The following SEZ6L variants were observed in gnomAD, a reference collection of about 807,000 sequenced individuals.
SEZ6L encodes seizure 6-like protein.
SEZ6L carries 37 observed loss-of-function variants against 106.2 expected under a neutral mutation model. That is an observed-to-expected ratio of 0.35 (90% confidence interval 0.27 to 0.46). The LOEUF (loss-of-function observed/expected upper bound fraction) is 0.46, where lower values mean the gene tolerates loss of function less well. Among genes scored for constraint, SEZ6L ranks in the 20% least tolerant of loss-of-function variants. SEZ6L has a pLI of 1.00. For synonymous variants in SEZ6L, 541 were observed against 570.4 expected (o/e 0.95, Z 0.73); for missense variants, 1,172 against 1,332.8 (o/e 0.88, Z 1.88).
At chr22:26,174,489 G>A (rs1158857709) in intron 1 of SEZ6L, among the ~76,000 whole-genome samples, 2 of 152,322 alleles carry the variant, frequency 1.3e-5, no homozygotes, top group African/African-American at 2.4e-5. Flanking sequence ...CTGGGTAGAC[G>A]AGAGCTGGAA....
At chr22:26,217,983 T>C (rs2078346912) in intron 1 of SEZ6L, among the ~76,000 whole-genome samples, 1 of 152,232 alleles carries the variant, frequency 6.6e-6, no homozygotes, top group Non-Finnish European at 1.5e-5. Context: ...GACCCTTCTC[T>C]GTCCTGTCAA....
At chr22:26,337,312 C>T (rs1267671934) in intron 9 of SEZ6L, among the ~76,000 whole-genome samples, 1 of 152,138 alleles carries the variant, frequency 6.6e-6, no homozygotes, top group Non-Finnish European at 1.5e-5. Flanking sequence ...CTATTTTCAC[C>T]CTTGAAGATG....
chr22:26,344,872 T>C (rs1294786211), intron 10 of SEZ6L, among the ~76,000 whole-genome samples: 1 of 152,238 alleles, frequency 6.6e-6, no homozygotes, highest in Non-Finnish European at 1.5e-5. Context: ...CTTAGAGCAG[T>C]TAATTGGCAT....
intron 1 of SEZ6L, among the ~76,000 whole-genome samples, chr22:26,255,870 G>A (rs1386152366): frequency 1.3e-5 from 2 of 152,182 alleles, no homozygotes; most frequent in Admixed American, 1.3e-4. Flanking sequence ...AGCCATGTAG[G>A]GCAGACAAGC....
chr22:26,298,894 C>T, intron 4 of SEZ6L, 90 bp from the exon 5 acceptor site: 2 of 1,315,778 alleles, frequency 1.5e-6, no homozygotes, highest in African/African-American at 1.5e-5. Context: ...ATCTTCTCTC[C>T]CCAGCACAAA....
At chr22:26,323,074 G>A (rs75801060) in intron 9 of SEZ6L, among the ~76,000 whole-genome samples, 2,158 of 152,340 alleles carry the variant, frequency 0.014, 28 homozygotes, top group Admixed American at 0.037. Context: ...CACACAGCAA[G>A]AGAGGACCAG....
chr22:26,372,354 C>T (rs1353645751), intron 13 of SEZ6L, among the ~76,000 whole-genome samples: 2 of 152,234 alleles, frequency 1.3e-5, no homozygotes, highest in African/African-American at 4.8e-5. Context: ...TTCACGCACT[C>T]TCACTCAACC....
rs137185 is a variant in SEZ6L, at chr22:26,275,801, G to A, written c.95-16605G>A. On this transcript the variant is annotated intron_variant, in intron 1 of 16. Coordinates refer to ENST00000248933, the MANE Select transcript of SEZ6L (RefSeq NM_021115.5). Reference sequence around the variant, plus strand: ...GGCTGTCAGCTACCTTTGGGGCCACGAAGTGTCCTCCTTCATCCCCAGGAC... The same window carrying A: ...GGCTGTCAGCTACCTTTGGGGCCACAAAGTGTCCTCCTTCATCCCCAGGAC... 2.6e-5 allele frequency among the ~76,000 whole-genome samples: 4 copies of A among 151,976 alleles called. 1 individual carries two copies. The South Asian group carries it at 8.3e-4, about 32-fold the overall frequency.
At chr22:26,274,876 T>C (rs990020695) in intron 1 of SEZ6L, among the ~76,000 whole-genome samples, 3 of 152,196 alleles carry the variant, frequency 2.0e-5, no homozygotes, top group African/African-American at 7.2e-5. Context: ...ACAGGCATGA[T>C]TGACCACTCA....
chr22:26,377,849 A>G, intron 16 of SEZ6L, 74 bp downstream of exon 16: 2 of 1,150,584 alleles, frequency 1.7e-6, no homozygotes, highest in Non-Finnish European at 2.6e-6. Flanking sequence ...AAGACAAAAC[A>G]TTTCATTTCC....
At chr22:26,283,940 A>G (rs2080852381) in intron 1 of SEZ6L, among the ~76,000 whole-genome samples, 1 of 152,206 alleles carries the variant, frequency 6.6e-6, no homozygotes, top group African/African-American at 2.4e-5. Context: ...AATATTTCAA[A>G]ATGTGTTACT....
intron 13 of SEZ6L, 54 bp downstream of exon 13, chr22:26,365,620 C>T (rs1211858419): frequency 6.6e-7 from 1 of 1,521,114 alleles, no homozygotes; most frequent in Non-Finnish European, 9.0e-7. Context: ...ATGTCAGGCT[C>T]CTGGCTCACA....
At chr22:26,303,649 C>T (rs143545512) in intron 5 of SEZ6L, among the ~76,000 whole-genome samples, 2 of 152,280 alleles carry the variant, frequency 1.3e-5, no homozygotes, top group Admixed American at 6.5e-5. Flanking sequence ...CAAAATTAAT[C>T]GTGGTTATTC....
chr22:26,300,409 G>GT (rs1185989766), intron 5 of SEZ6L, among the ~76,000 whole-genome samples: 2 of 152,086 alleles, frequency 1.3e-5, no homozygotes, highest in Admixed American at 1.3e-4. Flanking sequence ...GCGGTGTTTG[G>GT]TTTTTTGTCC....
intron 1 of SEZ6L, among the ~76,000 whole-genome samples, chr22:26,261,473 A>G (rs2080003761): frequency 6.6e-6 from 1 of 152,140 alleles, no homozygotes; most frequent in South Asian, 2.1e-4. Flanking sequence ...TCCCAGCGCC[A>G]TTTGTTGTGT....
chr22:26,349,362 C>T lies in SEZ6L; in HGVS notation c.2407+1449C>T, dbSNP rs529598661. 3.5e-4 allele frequency among the ~76,000 whole-genome samples: 54 copies of T among 152,222 alleles called. 1 individual carries two copies. The South Asian group carries it at 0.011, about 30-fold the overall frequency. ...CCATATCTTAAAATTACATTGGTAA[C>T]GATGCTTACTTATAGTACCCAGGCA... On this transcript the variant is annotated intron_variant, in intron 11 of 16. Transcript: ENST00000248933.
At chr22:26,187,614 T>C (rs1454121386) in intron 1 of SEZ6L, among the ~76,000 whole-genome samples, 1 of 152,156 alleles carries the variant, frequency 6.6e-6, no homozygotes, top group East Asian at 1.9e-4. Context: ...ATTTTCTCTG[T>C]TGCTCCCCCA....
chr22:26,297,110 A>G, intron 4 of SEZ6L, 30 bp downstream of exon 4: 4 of 1,529,988 alleles, frequency 2.6e-6, no homozygotes, highest in Non-Finnish European at 3.5e-6. Context: ...GATGAAACAT[A>G]GGCGTTTGCC....
intron 1 of SEZ6L, among the ~76,000 whole-genome samples, chr22:26,271,459 G>A (rs918447330): frequency 7.2e-5 from 11 of 152,174 alleles, no homozygotes; most frequent in Non-Finnish European, 8.8e-5. Context: ...ATCTCATGTT[G>A]AAATGTGATC....
Sources: gnomAD v4.1 joint callset for allele counts (sites outside exome capture counted in the v4.1 genomes callset) on GRCh38, gnomAD v4.1.1 for gene constraint, MANE v1.5 for transcripts, NCBI Gene and HGNC (gene_info 2026-07-23, HGNC 2026-07-21) for gene names.